The following CDH13 variants were observed in gnomAD, a reference collection of about 807,000 sequenced individuals.
CDH13 encodes the protein cadherin-13.
A neutral mutation model predicts 63.8 loss-of-function variants in CDH13; 24 were observed. That is an observed-to-expected ratio of 0.38 (90% CI 0.27 to 0.53). The LOEUF is 0.53. Ranked by LOEUF, CDH13 falls within the 20% of genes least tolerant of loss-of-function variation. The pLI, the probability that CDH13 is intolerant of heterozygous loss-of-function variation, is 0.85. For missense variants in CDH13, 1,049 were observed against 903.1 expected (o/e 1.16, Z -2.07); for synonymous variants, 503 against 355.3 (o/e 1.42, Z -4.67).
intron 1 of CDH13, among the ~76,000 whole-genome samples, chr16:82,666,294 G>A (rs1187799722): frequency 6.6e-6 from 1 of 152,224 alleles, no homozygotes; most frequent in Non-Finnish European, 1.5e-5. Context: ...TATGCCACAG[G>A]CAGTATCTTG....
At chr16:83,757,481 G>A (rs895497928) in intron 11 of CDH13, among the ~76,000 whole-genome samples, 2 of 152,156 alleles carry the variant, frequency 1.3e-5, no homozygotes, top group African/African-American at 4.8e-5. Flanking sequence ...GGGAGCCTGA[G>A]GCAGGACAAT....
intron 2 of CDH13, among the ~76,000 whole-genome samples, chr16:83,012,930 TA>T (rs1914308202): frequency 6.6e-6 from 1 of 152,234 alleles, no homozygotes; most frequent in African/African-American, 2.4e-5. Context: ...TGCATAGAGA[TA>T]ACATTCAGGT....
intron 2 of CDH13, chr16:82,859,700 A>G (rs568032010): frequency 9.2e-5 from 14 of 151,974 alleles, no homozygotes; most frequent in Non-Finnish European, 1.5e-4. Context: ...CTTTAGTCCT[A>G]TGCTATGTGG....
chr16:82,683,961 T>C (rs555370357), intron 1 of CDH13, among the ~76,000 whole-genome samples: 2 of 152,376 alleles, frequency 1.3e-5, no homozygotes, highest in South Asian at 4.1e-4. Context: ...TTGACTTGTC[T>C]AGTCTCCTCT....
At chr16:83,137,565 T>C (rs2036345856) in intron 4 of CDH13, among the ~76,000 whole-genome samples, 1 of 152,034 alleles carries the variant, frequency 6.6e-6, no homozygotes, top group Admixed American at 6.6e-5. Context: ...CAGACAACGC[T>C]TTTTTTTGTT....
At chr16:83,553,834 G>A (rs1208490900) in intron 7 of CDH13, among the ~76,000 whole-genome samples, 1 of 152,220 alleles carries the variant, frequency 6.6e-6, no homozygotes, top group African/African-American at 2.4e-5. Flanking sequence ...TGGGATTACA[G>A]GCGTGAGCCA....
At chr16:82,996,343 A>C (rs556412310) in intron 2 of CDH13, among the ~76,000 whole-genome samples, 2 of 152,164 alleles carry the variant, frequency 1.3e-5, no homozygotes, top group Non-Finnish European at 2.9e-5. Flanking sequence ...CTGGAACAAC[A>C]CTGAGCTTTA....
At chr16:82,658,278 A>T (rs1405652138) in intron 1 of CDH13, among the ~76,000 whole-genome samples, 1 of 152,196 alleles carries the variant, frequency 6.6e-6, no homozygotes, top group Non-Finnish European at 1.5e-5. Context: ...TATGCTTCCC[A>T]TTTTACAGAA....
intron 7 of CDH13, among the ~76,000 whole-genome samples, chr16:83,535,936 A>G (rs921435654): frequency 2.5e-5 from 3 of 118,316 alleles, no homozygotes; most frequent in African/African-American, 9.0e-5. Flanking sequence ...AGAAGGAAGG[A>G]AAGGAAGGAA....
At chr16:83,359,573 C>T (rs900240813) in intron 6 of CDH13, among the ~76,000 whole-genome samples, 2 of 152,140 alleles carry the variant, frequency 1.3e-5, no homozygotes, top group African/African-American at 2.4e-5. Flanking sequence ...TCTATTTCCT[C>T]TACTGAATTG....
In CDH13 at chr16:83,583,582, A is replaced by C. The variant is rs181549104; in HGVS notation, c.961-18872A>C. Among the ~76,000 whole-genome samples, 128 of 152,326 alleles carry C rather than the reference A, an allele frequency of 8.4e-4. 1 individual carries two copies. The highest frequency in any genetic ancestry group is 2.8e-3 in the African/African-American group (116 of 41,576). ...CTCATAATAGTGATGGAGGGAAGGT[A>C]AGATTGCTTTATTTTGCAGAACCAG... On this transcript the variant is annotated intron_variant, in intron 7 of 13. Transcript: ENST00000567109.
chr16:83,724,242 G>A (rs553907472), intron 10 of CDH13, among the ~76,000 whole-genome samples: 1 of 119,652 alleles, frequency 8.4e-6, no homozygotes, highest in Non-Finnish European at 2.0e-5. Context: ...AATGTGGAAT[G>A]CATGGGTGGA....
chr16:83,011,819 G>A (rs959341841), intron 2 of CDH13, among the ~76,000 whole-genome samples: 9 of 152,170 alleles, frequency 5.9e-5, no homozygotes, highest in African/African-American at 2.2e-4. Flanking sequence ...GTTCAGTTCA[G>A]CAGAACAAAG....
chr16:83,767,386 C>T (rs903923909), intron 11 of CDH13, among the ~76,000 whole-genome samples: 3 of 152,096 alleles, frequency 2.0e-5, no homozygotes, highest in South Asian at 2.1e-4. Flanking sequence ...GTTATATAAA[C>T]GGGAGTTCTC....
chr16:83,023,438 T>C (rs1433342677), intron 2 of CDH13, among the ~76,000 whole-genome samples: 2 of 152,152 alleles, frequency 1.3e-5, no homozygotes, highest in Non-Finnish European at 2.9e-5. Context: ...TTATTTCAAA[T>C]CCGTGAGAAA....
chr16:82,892,095 C>T (rs1354567373), intron 2 of CDH13, among the ~76,000 whole-genome samples: 2 of 152,134 alleles, frequency 1.3e-5, no homozygotes, highest in Non-Finnish European at 2.9e-5. Context: ...AACCTCAGCT[C>T]ATCCCTTTAT....
At chr16:83,717,924 A>T (rs1375449098) in intron 10 of CDH13, 1 of 152,204 alleles carries the variant, frequency 6.6e-6, no homozygotes, top group Non-Finnish European at 1.5e-5. Flanking sequence ...AAACAACTGG[A>T]ACTAATTCAC....
chr16:83,486,397 A>G (rs1197107742), intron 6 of CDH13, 80 bp from the exon 7 acceptor site: 3 of 1,226,092 alleles, frequency 2.4e-6, no homozygotes, highest in Non-Finnish European at 3.5e-6. Context: ...CTGCACTGCT[A>G]TTGCCCAGGT....
At chr16:82,945,068 CATT>C (rs1904550953) in intron 2 of CDH13, among the ~76,000 whole-genome samples, 1 of 152,106 alleles carries the variant, frequency 6.6e-6, no homozygotes, top group Non-Finnish European at 1.5e-5. Context: ...TAGAAACAGT[CATT>C]ATACTTTTTG....
Sources: gnomAD v4.1 joint callset for allele counts (sites outside exome capture counted in the v4.1 genomes callset) on GRCh38, gnomAD v4.1.1 for gene constraint, MANE v1.5 for transcripts, NCBI Gene and HGNC (gene_info 2026-07-23, HGNC 2026-07-21) for gene names.